CADPS: variants seen among roughly 807,000 people sequenced by gnomAD.
CADPS encodes the protein calcium dependent secretion activator.
CADPS carries 57 observed loss-of-function variants against 167.3 expected under a neutral mutation model. That is an observed-to-expected ratio of 0.34 (90% CI 0.28 to 0.42). The LOEUF is 0.42. Among genes scored for constraint, CADPS ranks in the 20% least tolerant of loss-of-function variants. The pLI, the probability that CADPS is intolerant of heterozygous loss-of-function variation, is 1.00. For synonymous variants in CADPS, 676 were observed against 635.3 expected, an observed-to-expected ratio of 1.06 and a Z score of -0.96; for missense variants, 1,414 against 1,738.1, an observed-to-expected ratio of 0.81 and a Z score of 3.32.
At chr3:62,738,369 A>G (rs1386301172) in intron 3 of CADPS, among the ~76,000 whole-genome samples, 1 of 152,176 alleles carries the variant, frequency 6.6e-6, no homozygotes, top group Non-Finnish European at 1.5e-5. Context: ...TAAAAGCATG[A>G]TTGGACTTAT....
rs1397677658 is a variant in CADPS at position 62,449,804 on chromosome 3, T to TGC, written c.3637-4008_3637-4007insGC. 8.6e-5 allele frequency among the ~76,000 whole-genome samples: 13 copies of TGC among 151,894 alleles called. No individual in the cohort carries two copies. The South Asian group carries it at 2.5e-3, about 29-fold the overall frequency. ...CATCAATGGTTGTTAAAAGAGTGTG[T>TGC]GTGTGTGTGTGTGTGTGTAATTTTC... On this transcript the variant is annotated intron_variant, in intron 26 of 29. Transcript: ENST00000383710.
rs1227770456 is a variant in CADPS, at chr3:62,753,780, A to C, written c.556-7T>G. On this transcript the variant is annotated splice_polypyrimidine_tract_variant and splice_region_variant and intron_variant, in intron 2 of 29. Coordinates refer to ENST00000383710, the MANE Select transcript of CADPS (RefSeq NM_003716.4). The surrounding 1 kb of genome is among the most constrained non-coding windows in gnomAD (Gnocchi z 4.6). ...GGTCGCTCTTCAGGAACACCTGAGC[A>C]AGAACAAGGCCAGGAAAGACAGTAG... 5 of 1,607,550 alleles carry C rather than the reference A, an allele frequency of 3.1e-6. No individual in the cohort carries two copies. The highest frequency in any genetic ancestry group is 4.3e-6 in the Non-Finnish European group (5 of 1,175,988).
chr3:62,667,519 A>G (rs533370932), intron 3 of CADPS, among the ~76,000 whole-genome samples: 6 of 152,246 alleles, frequency 3.9e-5, no homozygotes, highest in African/African-American at 1.2e-4. Context: ...GGTATTTCCC[A>G]AAGTTATATT....
At chr3:62,755,231 C>G (rs538354223) in intron 2 of CADPS, among the ~76,000 whole-genome samples, 2 of 152,194 alleles carry the variant, frequency 1.3e-5, no homozygotes, top group East Asian at 1.9e-4. Flanking sequence ...ACCTCTCCCC[C>G]CTGGTGGAAA....
rs9869445 is a variant in CADPS, at chr3:62,511,117, C to T, written c.2599+1634G>A. On this transcript the variant is annotated intron_variant, in intron 17 of 29. Transcript: ENST00000383710. Reference sequence around the variant, plus strand: ...TCTTCATCACCTTTGCAGTTGAGACCTGTGGAATCTTTCTTCTGAAAAAAT... The same window carrying T: ...TCTTCATCACCTTTGCAGTTGAGACTTGTGGAATCTTTCTTCTGAAAAAAT... Among the ~76,000 whole-genome samples, 692 of 152,214 alleles carry T rather than the reference C, an allele frequency of 4.5e-3. 4 individuals carry two copies. Among genetic ancestry groups the T allele is most frequent in the African/African-American group, 0.016 (667 of 41,544 alleles).
At position 62,549,951 on chromosome 3, in the gene CADPS, C is replaced by T. The variant is rs142524771; in HGVS notation, c.1918G>A (p.Ala640Thr). Residue 640 changes from alanine to threonine, a missense_variant, in exon 11 of 30, where the codon GCC becomes ACC. This residue lies in a region of CADPS where 529 missense variants were observed against 629.6 expected (regional missense o/e 0.84). Transcript: ENST00000383710. ...AGCTGAGGTACATTTCCTCCCTTGG[C>T]GTTGAGTTTCTGGACTTGGGTCGGG... ...VPPTQVQKLN[A>T]KGGNVPQLDA... 6.8e-6 allele frequency: 11 copies of T among 1,614,062 alleles called. No individual in the cohort carries two copies. Among genetic ancestry groups the T allele is most frequent in the African/African-American group, 4.0e-5 (3 of 75,008 alleles).
chr3:62,610,364 C>T (rs1388592697), intron 6 of CADPS, among the ~76,000 whole-genome samples: 2 of 152,124 alleles, frequency 1.3e-5, no homozygotes, highest in Non-Finnish European at 2.9e-5. Context: ...AATTCTCCTG[C>T]CTCAGCCTTC....
intron 6 of CADPS, among the ~76,000 whole-genome samples, chr3:62,606,384 C>A (rs561251817): frequency 6.6e-6 from 1 of 152,170 alleles, no homozygotes; most frequent in South Asian, 2.1e-4. Flanking sequence ...TATCAAAGAA[C>A]TGAGACTTGT....
chr3:62,778,190 T>C (rs981934520), intron 1 of CADPS, among the ~76,000 whole-genome samples: 7 of 152,326 alleles, frequency 4.6e-5, no homozygotes, highest in African/African-American at 1.4e-4. Flanking sequence ...ACAAACTATA[T>C]ATTTCACGTA....
intron 1 of CADPS, among the ~76,000 whole-genome samples, chr3:62,865,303 C>T (rs1276190477): frequency 6.7e-6 from 1 of 150,150 alleles, no homozygotes; most frequent in Admixed American, 6.7e-5. Flanking sequence ...GCATGTTTGC[C>T]AAAATCCCAT....
chr3:62,810,425 C>A (rs1359480801), intron 1 of CADPS, among the ~76,000 whole-genome samples: 1 of 152,094 alleles, frequency 6.6e-6, no homozygotes, highest in Non-Finnish European at 1.5e-5. Flanking sequence ...CATCATCATT[C>A]ATGAGTATCA....
At chr3:62,755,222 C>A (rs776484094) in intron 2 of CADPS, among the ~76,000 whole-genome samples, 9 of 152,216 alleles carry the variant, frequency 5.9e-5, no homozygotes, top group Middle Eastern at 3.4e-3. Flanking sequence ...TTGATGAAAA[C>A]CTCTCCCCCC....
chr3:62,822,528 C>T (rs1239925446), intron 1 of CADPS, among the ~76,000 whole-genome samples: 3 of 152,062 alleles, frequency 2.0e-5, no homozygotes, highest in African/African-American at 4.8e-5. Context: ...TTAGCTTGCT[C>T]ATTTGATATA....
chr3:62,507,543 T>C (rs2066918042), intron 17 of CADPS, among the ~76,000 whole-genome samples: 1 of 152,198 alleles, frequency 6.6e-6, no homozygotes, highest in African/African-American at 2.4e-5. Context: ...GATTGCAATG[T>C]TGTATTTGAA....
intron 1 of CADPS, among the ~76,000 whole-genome samples, chr3:62,819,745 T>G (rs2094810429): frequency 6.6e-6 from 1 of 152,124 alleles, no homozygotes; most frequent in Admixed American, 6.6e-5. Context: ...CATCAAGTCT[T>G]GAGTGAGCTT....
At position 62,533,023 on chromosome 3, in the gene CADPS, G is replaced by C; in HGVS notation, c.2139C>G (p.Asp713Glu). ...WFSPGQVFVLDEYCARNGVRG... is the reference protein window; with the variant it reads ...WFSPGQVFVLEEYCARNGVRG... ...GGACTCCATTTCGGGCGCAATACTCGTCTAGTACAAACACCTGGCCAGGAC... is the reference window on the plus strand; with the variant it reads ...GGACTCCATTTCGGGCGCAATACTCCTCTAGTACAAACACCTGGCCAGGAC... The change falls in exon 13 of 30, where the codon GAC becomes GAG. Residue 713 changes from aspartate to glutamate, a missense_variant. Transcript: ENST00000383710. The C allele has an allele frequency of 6.2e-7, 1 of 1,613,682 alleles. No individual in the cohort carries two copies. Among genetic ancestry groups the C allele is most frequent in the South Asian group, 1.1e-5 (1 of 91,070 alleles).
intron 16 of CADPS, chr3:62,513,768 T>G (rs1337789482): frequency 2.0e-5 from 22 of 1,075,826 alleles, no homozygotes; most frequent in Non-Finnish European, 3.1e-5. Context: ...TTAAAGGTCA[T>G]AGGTTAGAGG....
At chr3:62,616,266 A>G (rs142846283) in intron 6 of CADPS, among the ~76,000 whole-genome samples, 1 of 152,314 alleles carries the variant, frequency 6.6e-6, no homozygotes, top group East Asian at 1.9e-4. Flanking sequence ...TGTGTCCAAC[A>G]TGAAAATTCA....
At chr3:62,510,286 T>C (rs1461723926) in intron 17 of CADPS, among the ~76,000 whole-genome samples, 1 of 152,172 alleles carries the variant, frequency 6.6e-6, no homozygotes, top group Admixed American at 6.6e-5. Context: ...CAAATCATCA[T>C]CTGTCTGATT....
Sources: gnomAD v4.1 joint callset for allele counts (sites outside exome capture counted in the v4.1 genomes callset) on GRCh38, gnomAD v4.1.1 for gene constraint, gnomAD v4.1.1 regional missense constraint, Gnocchi (gnomAD v3.1) non-coding constraint, MANE v1.5 for transcripts, NCBI Gene and HGNC (gene_info 2026-07-23, HGNC 2026-07-21) for gene names.